MPDZ: variants seen among roughly 807,000 people sequenced by gnomAD.
The protein encoded by MPDZ is multiple PDZ domain protein.
In MPDZ, 234 loss-of-function variants were observed where a neutral mutation model predicts 239.1. That is an observed-to-expected ratio of 0.98 (90% CI 0.88 to 1.09). The LOEUF (loss-of-function observed/expected upper bound fraction) is 1.09. Ranked by LOEUF, MPDZ falls within the 50% of genes least tolerant of loss-of-function variation. The pLI is 0.00. For missense variants in MPDZ, 3,175 were observed against 2,510.0 expected (o/e 1.26, Z -5.66); for synonymous variants, 1,048 against 881.3 (o/e 1.19, Z -3.35).
At position 13,110,068 on chromosome 9, in the gene MPDZ, C is replaced by A. The variant is rs181920384; in HGVS notation, c.5830-4G>T. On this transcript the variant is annotated splice_polypyrimidine_tract_variant and splice_region_variant and intron_variant, in intron 44 of 46. Transcript: ENST00000319217. The stretch of plus-strand genomic sequence containing the variant: ...TCACGTCTCCTCCAGCAACCACCTG[C>A]GCACAGGAGGAGGATAAACAGAAAA... 3 of 1,608,612 alleles carry A rather than the reference C, an allele frequency of 1.9e-6. No homozygotes were observed. The highest frequency in any genetic ancestry group is 3.4e-5 in the Admixed American group (2 of 59,536).
At chr9:13,249,126 A>ACG (rs1345028318) in intron 2 of MPDZ, among the ~76,000 whole-genome samples, 12 of 151,470 alleles carry the variant, frequency 7.9e-5, no homozygotes, top group Middle Eastern at 3.4e-3. Context: ...ACACACACAC[A>ACG]CACACACACA....
Position 13,175,820 on chromosome 9 carries a change from A to C in MPDZ, c.2987T>G (p.Met996Arg). 6.3e-7 allele frequency: 1 copy of C among 1,589,480 alleles called. No homozygotes were observed. Among genetic ancestry groups the C allele is most frequent in the Non-Finnish European group, 8.6e-7 (1 of 1,167,094 alleles). The change falls in exon 21 of 47, where the codon ATG becomes AGG. Residue 996 changes from methionine to arginine, a missense_variant. Coordinates refer to ENST00000319217, the MANE Select transcript of MPDZ (RefSeq NM_001378778.1). The part of the protein sequence containing the change: ...SSLACNAECV[M>R]LQNVSKESFE... ...AGATTCTTTAGATACATTTTGAAGC[A>C]TGACACACTCAGCATTACAGGCCAG... is the stretch of plus-strand genomic sequence containing the variant.
At chr9:13,156,688 A>C (rs1949861192) in intron 24 of MPDZ, among the ~76,000 whole-genome samples, 1 of 152,078 alleles carries the variant, frequency 6.6e-6, no homozygotes, top group South Asian at 2.1e-4. Context: ...CACCTTCTAA[A>C]ATCTACTTTT....
intron 2 of MPDZ, among the ~76,000 whole-genome samples, chr9:13,249,104 T>TCACA (rs199752806): frequency 0.059 from 8,546 of 145,748 alleles, 294 homozygotes; most frequent in Middle Eastern, 0.12. Context: ...GATCATGGGT[T>TCACA]CACACACACA....
chr9:13,176,523 CAT>C (rs1307918987), intron 19 of MPDZ, 106 bp from the exon 20 acceptor site: 5 of 953,454 alleles, frequency 5.2e-6, no homozygotes, highest in Non-Finnish European at 7.3e-6. Flanking sequence ...AAATGTAAAA[CAT>C]AACAATTATT....
At chr9:13,147,502 T>C in intron 26 of MPDZ, 46 bp downstream of exon 26, 1 of 1,431,874 alleles carries the variant, frequency 7.0e-7, no homozygotes, top group South Asian at 1.1e-5. Context: ...GATTCCAAGT[T>C]GAACACTGTT....
chr9:13,205,208 T>C (rs1306095956), intron 11 of MPDZ, 101 bp from the exon 12 acceptor site: 6 of 579,900 alleles, frequency 1.0e-5, no homozygotes, highest in Non-Finnish European at 2.8e-6. Flanking sequence ...CATGAGAATC[T>C]GTTTTTCAGA....
chr9:13,173,235 C>A (rs976342245), intron 21 of MPDZ, among the ~76,000 whole-genome samples: 4 of 152,064 alleles, frequency 2.6e-5, no homozygotes, highest in African/African-American at 9.7e-5. Flanking sequence ...CTTAATGCCA[C>A]AGAAATGTAC....
intron 3 of MPDZ, among the ~76,000 whole-genome samples, chr9:13,235,320 A>G: frequency 6.6e-6 from 1 of 152,176 alleles, no homozygotes; most frequent in Non-Finnish European, 1.5e-5. Flanking sequence ...AAGGGAAAAC[A>G]ATATTTTCAA....
At chr9:13,277,199 CCCTTTCCAAGCCACAA>C (rs1974421778) in intron 1 of MPDZ, among the ~76,000 whole-genome samples, 1 of 152,098 alleles carries the variant, frequency 6.6e-6, no homozygotes, top group Non-Finnish European at 1.5e-5. Flanking sequence ...AAAGATCCCT[CCCTTTCCAAGCCACAA>C]CCTTCAGGCC....
chr9:13,198,737 C>CTGTG lies in MPDZ; in HGVS notation c.1547-2511_1547-2508dup, dbSNP rs1554691393. Reference sequence around the variant, plus strand: ...ATATTTAGGTCTTTAATCTCTCTCTCTGTGTGTGTGTGTGTGTGTGTGTGT... The same window carrying CTGTG: ...ATATTTAGGTCTTTAATCTCTCTCTCTGTGTGTGTGTGTGTGTGTGTGTGTGTGT... On this transcript the variant is annotated intron_variant, in intron 12 of 46. Coordinates refer to ENST00000319217, the MANE Select transcript of MPDZ (RefSeq NM_001378778.1). Among the ~76,000 whole-genome samples, 40 of 69,792 alleles carry CTGTG rather than the reference C, an allele frequency of 5.7e-4. 1 individual carries two copies. The highest frequency in any genetic ancestry group is 2.0e-3 in the African/African-American group (37 of 18,136). 45.8% of individuals were successfully genotyped at this position (69,792 alleles called of 152,430 possible). A position where few individuals can be genotyped will look rare whatever the true frequency, so the allele number is the denominator to read the frequency against.
chr9:13,197,095 G>C (rs1193469324), intron 12 of MPDZ, among the ~76,000 whole-genome samples: 1 of 151,530 alleles, frequency 6.6e-6, no homozygotes, highest in Non-Finnish European at 1.5e-5. Context: ...TATTTTGTAG[G>C]TCTGTTATGC....
At chr9:13,198,416 T>A (rs914644694) in intron 12 of MPDZ, among the ~76,000 whole-genome samples, 6 of 152,156 alleles carry the variant, frequency 3.9e-5, no homozygotes, top group African/African-American at 1.4e-4. Flanking sequence ...TCTATTCAGA[T>A]CTTTTCTGCA....
intron 1 of MPDZ, among the ~76,000 whole-genome samples, chr9:13,275,328 T>C (rs955014293): frequency 5.9e-5 from 9 of 152,144 alleles, no homozygotes; most frequent in South Asian, 2.1e-4. Context: ...AATTAGGCTA[T>C]AGACATACAC....
intron 22 of MPDZ, among the ~76,000 whole-genome samples, chr9:13,165,165 A>G (rs1950920793): frequency 6.6e-6 from 1 of 152,198 alleles, no homozygotes; most frequent in Admixed American, 6.6e-5. Context: ...CACAATCATC[A>G]GTACAATGTG....
intron 18 of MPDZ, 46 bp from the exon 19 acceptor site, chr9:13,183,631 A>G (rs1170094753): frequency 3.2e-6 from 5 of 1,578,534 alleles, no homozygotes; most frequent in South Asian, 1.1e-5. Context: ...GTTCTATTAC[A>G]TATATGACAA....
chr9:13,184,840 A>C (rs909876582), intron 18 of MPDZ, among the ~76,000 whole-genome samples: 1 of 152,014 alleles, frequency 6.6e-6, no homozygotes, highest in Non-Finnish European at 1.5e-5. Context: ...AAAGAAATTG[A>C]GTGACCAGTC....
chr9:13,236,590 T>C (rs1964110003), intron 3 of MPDZ, among the ~76,000 whole-genome samples: 1 of 151,804 alleles, frequency 6.6e-6, no homozygotes. Flanking sequence ...CCTCCATGTG[T>C]ATTTTATAAA....
At chr9:13,112,646 A>C (rs1942688655) in intron 42 of MPDZ, among the ~76,000 whole-genome samples, 1 of 152,202 alleles carries the variant, frequency 6.6e-6, no homozygotes, top group African/African-American at 2.4e-5. Context: ...AAGCTCAATA[A>C]ATCACAGCTG....
Sources: gnomAD v4.1 joint callset for allele counts (sites outside exome capture counted in the v4.1 genomes callset) on GRCh38, gnomAD v4.1.1 for gene constraint, MANE v1.5 for transcripts, NCBI Gene and HGNC (gene_info 2026-07-23, HGNC 2026-07-21) for gene names.